BNIP3L: variants seen among roughly 807,000 people sequenced by gnomAD.
The protein encoded by BNIP3L is BCL2/adenovirus E1B 19 kDa protein-interacting protein 3-like.
Under a neutral mutation model 25.5 loss-of-function variants are expected in BNIP3L, and 10 were observed. The ratio of observed to expected loss-of-function variants is 0.39; its 90% confidence interval spans 0.24 to 0.67. BNIP3L has a LOEUF of 0.67. BNIP3L is among the 30% of genes least tolerant of loss of function. The pLI is 0.45. For missense variants in BNIP3L, 215 were observed against 270.9 expected, an observed-to-expected ratio of 0.79 and a Z score of 1.45; for synonymous variants, 113 against 101.2, an observed-to-expected ratio of 1.12 and a Z score of -0.70.
chr8:26,385,927 A>C (rs550734544), intron 1 of BNIP3L, among the ~76,000 whole-genome samples: 2 of 152,350 alleles, frequency 1.3e-5, no homozygotes, highest in East Asian at 3.9e-4. Context: ...TGAACAAAAC[A>C]AGAAGCCTCA....
intron 1 of BNIP3L, among the ~76,000 whole-genome samples, chr8:26,388,438 C>T (rs1462290784): frequency 6.6e-6 from 1 of 152,160 alleles, no homozygotes; most frequent in Non-Finnish European, 1.5e-5. Flanking sequence ...GGGAGCCTGG[C>T]TTCAGTCTCA....
rs1491338023 is a variant in BNIP3L, at chr8:26,385,612, AAG to A, written c.100+2383_100+2384del. On this transcript the variant is annotated intron_variant, in intron 1 of 5. Coordinates refer to ENST00000380629, the MANE Select transcript of BNIP3L (RefSeq NM_004331.3). ...AGCAAGACTCTGTCTCAAAAAAAAA[AAG>A]GGGCGAGGGCGGGGGCTGAGCCATA... Among the ~76,000 whole-genome samples the A allele has an allele frequency of 1.1e-3, 127 of 112,860 alleles. 2 individuals carry two copies. The highest frequency in any genetic ancestry group is 3.9e-3 in the African/African-American group (114 of 29,482). The allele number at this position is 112,860 out of a possible 152,430, so 74.0% of individuals were successfully genotyped here. A position where few individuals can be genotyped will look rare whatever the true frequency, so the allele number is the denominator to read the frequency against.
chr8:26,410,546 C>A lies in BNIP3L; in HGVS notation c.*134C>A. 3.1e-6 allele frequency: 3 copies of A among 973,856 alleles called. No homozygotes were observed. Among genetic ancestry groups the A allele is most frequent in the Non-Finnish European group, 4.8e-6 (3 of 625,818 alleles). 60.3% of individuals were successfully genotyped at this position (973,856 alleles called of 1,614,324 possible). A position where few individuals can be genotyped will look rare whatever the true frequency, so the allele number is the denominator to read the frequency against. On this transcript the variant is annotated 3_prime_UTR_variant, in exon 6 of 6. Transcript: ENST00000380629. ...GTTTTTACATATCCAATTCCAGTAA[C>A]TCTCAAATTCAATATTTTATTCAAA...
intron 2 of BNIP3L, among the ~76,000 whole-genome samples, chr8:26,392,654 A>G (rs771015063): frequency 6.6e-6 from 1 of 151,998 alleles, no homozygotes; most frequent in Non-Finnish European, 1.5e-5. Flanking sequence ...ACCAGAGCAG[A>G]TGGCTCTCTT....
intron 2 of BNIP3L, among the ~76,000 whole-genome samples, chr8:26,394,702 G>A (rs987589461): frequency 5.3e-5 from 8 of 152,042 alleles, no homozygotes; most frequent in South Asian, 4.1e-4. Context: ...TGTAGCCTTT[G>A]GAAAATTCCA....
rs1322717833 is a variant in BNIP3L, at chr8:26,412,108, T to G, written c.*1696T>G. ...TTTTGAAAGTAATTTTCTTTTTTCT[T>G]TCTAGCATTTGATGTCTAAATAATT... On this transcript the variant is annotated 3_prime_UTR_variant, in exon 6 of 6. Transcript: ENST00000380629. 6.6e-6 allele frequency: 1 copy of G among 152,280 alleles called. No individual in the cohort carries two copies. Among genetic ancestry groups the G allele is most frequent in the Non-Finnish European group, 1.5e-5 (1 of 68,042 alleles). The allele number at this position is 152,280 out of a possible 1,614,324, so 9.4% of individuals were successfully genotyped here. A position where few individuals can be genotyped will look rare whatever the true frequency, so the allele number is the denominator to read the frequency against.
intron 4 of BNIP3L, 45 bp downstream of exon 4, chr8:26,408,148 G>A (rs770467255): frequency 8.1e-6 from 13 of 1,611,434 alleles, no homozygotes; most frequent in African/African-American, 5.3e-5. Context: ...GTTGATCTGC[G>A]CACGCTTACA....
rs1409423238 is a variant in BNIP3L, at chr8:26,411,986, A to G, written c.*1574A>G. 1 of 152,672 alleles carries G rather than the reference A, an allele frequency of 6.5e-6. No individual in the cohort carries two copies. Among genetic ancestry groups the G allele is most frequent in the Non-Finnish European group, 1.5e-5 (1 of 68,044 alleles). 9.5% of individuals were successfully genotyped at this position (152,672 alleles called of 1,614,324 possible). On this transcript the variant is annotated 3_prime_UTR_variant, in exon 6 of 6. Coordinates refer to ENST00000380629, the MANE Select transcript of BNIP3L (RefSeq NM_004331.3). ...TCTCACATCAACATTTGTAAAATTG[A>G]TGTGTTATAGTGGAAAATAACATAT...
Position 26,410,472 on chromosome 8 carries a change from G to C in BNIP3L, c.*60G>C, listed in dbSNP as rs1430811346. On this transcript the variant is annotated 3_prime_UTR_variant, in exon 6 of 6. Transcript: ENST00000380629. ...TGTGAAGTGGTGTATTGTCACAGTA[G>C]CTTATTTGAACTTGAGACCATTGTA... The C allele has an allele frequency of 6.3e-7, 1 of 1,593,868 alleles. No individual in the cohort carries two copies. Among genetic ancestry groups the C allele is most frequent in the Non-Finnish European group, 8.6e-7 (1 of 1,161,858 alleles).
At chr8:26,389,126 G>A (rs1806053269) in intron 1 of BNIP3L, among the ~76,000 whole-genome samples, 1 of 152,046 alleles carries the variant, frequency 6.6e-6, no homozygotes, top group Admixed American at 6.6e-5. Context: ...TGGAACTCCT[G>A]GTTCCTTACC....
chr8:26,390,448 A>G (rs911958187), intron 1 of BNIP3L: 6 of 985,396 alleles, frequency 6.1e-6, no homozygotes, highest in Non-Finnish European at 7.2e-6. Context: ...TCCCAAATCA[A>G]CAGGGTTTAA....
chr8:26,392,468 A>T (rs1305497740), intron 2 of BNIP3L, among the ~76,000 whole-genome samples: 3 of 152,238 alleles, frequency 2.0e-5, no homozygotes, highest in Non-Finnish European at 2.9e-5. Flanking sequence ...AAAAAGGAGA[A>T]ATGAGTTAAA....
At chr8:26,386,735 A>G (rs889788396) in intron 1 of BNIP3L, among the ~76,000 whole-genome samples, 2 of 152,178 alleles carry the variant, frequency 1.3e-5, no homozygotes, top group Non-Finnish European at 2.9e-5. Context: ...AAATAGAAAC[A>G]TCTTCAAGCA....
chr8:26,391,430 A>G lies in BNIP3L; in HGVS notation c.284+4A>G, dbSNP rs1554520618. On this transcript the variant is annotated splice_donor_region_variant and intron_variant, in intron 2 of 5. Coordinates refer to ENST00000380629, the MANE Select transcript of BNIP3L (RefSeq NM_004331.3). Reference sequence around the variant, plus strand: ...GAGGCAGTTCTCACTGTGACAGGTAAGTGAGACCCATGTTTTGGTGGAATT... The same window carrying G: ...GAGGCAGTTCTCACTGTGACAGGTAGGTGAGACCCATGTTTTGGTGGAATT... The G allele has an allele frequency of 6.5e-7, 1 of 1,534,324 alleles. No individual in the cohort carries two copies. Among genetic ancestry groups the G allele is most frequent in the South Asian group, 1.3e-5 (1 of 79,282 alleles).
intron 1 of BNIP3L, among the ~76,000 whole-genome samples, chr8:26,387,547 C>CT (rs1240330411): frequency 2.0e-5 from 3 of 152,122 alleles, no homozygotes; most frequent in Non-Finnish European, 2.9e-5. Context: ...AGTTAGAACA[C>CT]TAAGAAATTC....
At chr8:26,396,635 A>G (rs1357863121) in intron 3 of BNIP3L, among the ~76,000 whole-genome samples, 1 of 151,220 alleles carries the variant, frequency 6.6e-6, no homozygotes, top group Admixed American at 6.6e-5. Context: ...AATGATTTTG[A>G]CGAGCTGAGA....
intron 1 of BNIP3L, among the ~76,000 whole-genome samples, chr8:26,383,852 T>C (rs890514509): frequency 6.6e-6 from 1 of 151,756 alleles, no homozygotes; most frequent in African/African-American, 2.4e-5. Context: ...CTTCTCCTTT[T>C]TCCTTTTTTA....
chr8:26,383,526 C>G (rs1585427694), intron 1 of BNIP3L: 4 of 66,214 alleles, frequency 6.0e-5, no homozygotes, highest in Non-Finnish European at 9.1e-5. Context: ...GCAGCGGAGC[C>G]GGGCGGGGCG....
intron 1 of BNIP3L, among the ~76,000 whole-genome samples, chr8:26,389,724 A>G (rs1223376092): frequency 6.6e-6 from 1 of 152,224 alleles, no homozygotes; most frequent in Non-Finnish European, 1.5e-5. Context: ...TCTGTTTACA[A>G]ATGAGGAAGC....
Sources: allele counts gnomAD v4.1 joint callset (sites outside exome capture counted in the v4.1 genomes callset), GRCh38; gene constraint gnomAD v4.1.1; transcripts MANE v1.5; gene names NCBI Gene and HGNC (gene_info 2026-07-23, HGNC 2026-07-21).